GRIP1: variants seen among roughly 807,000 people sequenced by gnomAD.
GRIP1 encodes the protein glutamate receptor interacting protein 1, also known as glutamate receptor-interacting protein 1.
A neutral mutation model predicts 129.9 loss-of-function variants in GRIP1; 45 were observed. The observed-to-expected ratio is 0.35, with a 90% CI of 0.27 to 0.44. The LOEUF (loss-of-function observed/expected upper bound fraction) is 0.44, where lower values mean the gene tolerates loss of function less well. Among genes scored for constraint, GRIP1 ranks in the 20% least tolerant of loss-of-function variants. The probability of loss-of-function intolerance (pLI) is 1.00; values close to 1 mark genes in which losing one functional copy is unlikely to be tolerated. For synonymous variants in GRIP1, 530 were observed against 520.8 expected (o/e 1.02, Z -0.24); for missense variants, 1,196 against 1,396.8 (o/e 0.86, Z 2.29).
At chr12:66,416,289 T>C (rs2137784655) in intron 15 of GRIP1, among the ~76,000 whole-genome samples, 1 of 152,088 alleles carries the variant, frequency 6.6e-6, no homozygotes, top group Admixed American at 6.5e-5. Context: ...TAGCTATAAG[T>C]GCCTACATCA....
At chr12:67,043,938 G>C (rs2043216141) in intron 1 of GRIP1, among the ~76,000 whole-genome samples, 1 of 151,826 alleles carries the variant, frequency 6.6e-6, no homozygotes, top group Non-Finnish European at 1.5e-5. Flanking sequence ...GAAGCTATTT[G>C]GAGGAAATCC....
intron 1 of GRIP1, among the ~76,000 whole-genome samples, chr12:66,624,388 G>A (rs2065397350): frequency 6.6e-6 from 1 of 152,070 alleles, no homozygotes; most frequent in African/African-American, 2.4e-5. Flanking sequence ...TGCTATGATT[G>A]TGATTAATCC....
rs1294708769 is a variant in GRIP1, at chr12:66,465,326, T to C, written c.821A>G (p.Asn274Ser). Residue 274 changes from asparagine to serine, a missense_variant, in exon 8 of 25, where the codon AAC (asparagine) becomes AGC (serine). By Grantham distance (46) the Asn-to-Ser change is conservative. Coordinates refer to ENST00000359742, the MANE Select transcript of GRIP1 (RefSeq NM_001366722.1). ...TTTGTCTATGACAATGACTTGTTTG[T>C]TACAGCACATCGAGGTAGTTAGGGC... ...GVALTTSMCC[N>S]KQVIVIDKIK... The C allele has an allele frequency of 7.4e-6, 12 of 1,613,916 alleles. No homozygotes were observed. The highest frequency in any genetic ancestry group is 9.3e-6 in the Non-Finnish European group (11 of 1,179,766).
chr12:66,879,188 G>A (rs2040431896), intron 1 of GRIP1, among the ~76,000 whole-genome samples: 1 of 151,558 alleles, frequency 6.6e-6, no homozygotes, highest in Non-Finnish European at 1.5e-5. Flanking sequence ...TGTTATTTTT[G>A]TTCTTAAACT....
chr12:66,968,376 C>T (rs556340664), intron 1 of GRIP1, among the ~76,000 whole-genome samples: 4 of 139,310 alleles, frequency 2.9e-5, no homozygotes, highest in African/African-American at 1.0e-4. Flanking sequence ...GATTTGCCTA[C>T]GACTCTAGGT....
chr12:66,669,285 G>A (rs753032608), intron 1 of GRIP1, among the ~76,000 whole-genome samples: 27 of 152,112 alleles, frequency 1.8e-4, no homozygotes, highest in Non-Finnish European at 3.4e-4. Flanking sequence ...CTACTCGGGA[G>A]GCTGAGGCAA....
At chr12:66,987,193 G>C (rs1381659343) in intron 1 of GRIP1, among the ~76,000 whole-genome samples, 2 of 152,168 alleles carry the variant, frequency 1.3e-5, no homozygotes, top group Non-Finnish European at 2.9e-5. Flanking sequence ...ATAATTCATT[G>C]TCTCCTGCTA....
intron 7 of GRIP1, among the ~76,000 whole-genome samples, chr12:66,473,960 C>A (rs2059524292): frequency 6.6e-6 from 1 of 152,028 alleles, no homozygotes; most frequent in African/African-American, 2.4e-5. Context: ...AGCAAGGGAA[C>A]AAAACTGTAC....
intron 1 of GRIP1, among the ~76,000 whole-genome samples, chr12:66,759,713 C>G (rs1379326090): frequency 6.6e-6 from 1 of 152,148 alleles, no homozygotes; most frequent in Non-Finnish European, 1.5e-5. Flanking sequence ...CAAAGTTCCA[C>G]AAATCTCTAG....
chr12:66,451,068 G>C (rs11176190), intron 11 of GRIP1, among the ~76,000 whole-genome samples: 1 of 152,142 alleles, frequency 6.6e-6, no homozygotes, highest in Non-Finnish European at 1.5e-5. Flanking sequence ...AGATGGAAAT[G>C]ACTAAATTGC....
intron 1 of GRIP1, among the ~76,000 whole-genome samples, chr12:66,906,870 T>C (rs926519470): frequency 1.3e-5 from 2 of 152,178 alleles, no homozygotes; most frequent in African/African-American, 2.4e-5. Flanking sequence ...GAGAAAAAAA[T>C]TGAAAATTGT....
chr12:66,696,614 C>T (rs140070743), intron 1 of GRIP1, among the ~76,000 whole-genome samples: 1 of 151,378 alleles, frequency 6.6e-6, no homozygotes, highest in African/African-American at 2.4e-5. Context: ...GACCCCGTCT[C>T]TACTAAAAAA....
chr12:66,653,493 T>C (rs185020561), intron 1 of GRIP1, among the ~76,000 whole-genome samples: 1 of 152,310 alleles, frequency 6.6e-6, no homozygotes, highest in Admixed American at 6.5e-5. Flanking sequence ...CACTTCCTAA[T>C]CTCATGTAGT....
chr12:66,740,217 G>A lies in GRIP1; in HGVS notation c.-420+63836C>T, dbSNP rs187654507. ...GAATATACATCTTGCAAAAATCACCGATTTTTCATTCTGTCTGGCCTTCCT... is the reference window on the plus strand; with the variant it reads ...GAATATACATCTTGCAAAAATCACCAATTTTTCATTCTGTCTGGCCTTCCT... On this transcript the variant is annotated intron_variant, in intron 1 of 4. Coordinates refer to the GRIP1 transcript ENST00000538373. Among the ~76,000 whole-genome samples, 776 of 152,206 alleles carry A rather than the reference G, an allele frequency of 5.1e-3. 4 individuals are homozygous for A. Among genetic ancestry groups the A allele is most frequent in the Middle Eastern group, 0.027 (8 of 294 alleles).
Position 66,974,853 on chromosome 12 carries a change from G to A in GRIP1, c.58+94197C>T, listed in dbSNP as rs1204920228. On this transcript the variant is annotated intron_variant, in intron 1 of 1. Transcript: ENST00000643019. ...TAAAGCTTCTTCCAAGACGTAAAAG[G>A]GATCCTCGAAATGTGTTCAATGGCT... Among the ~76,000 whole-genome samples the A allele has an allele frequency of 2.0e-5, 3 of 152,062 alleles. No individual in the cohort carries two copies. In the East Asian group the frequency reaches 5.8e-4, roughly 29 times the overall value.
Position 66,410,026 on chromosome 12 carries a change from G to A in GRIP1, c.1839-3598C>T, listed in dbSNP as rs541127909. On this transcript the variant is annotated intron_variant, in intron 15 of 24. Transcript: ENST00000359742. ...AGCACTTTGGGAGGCCGAGGCGGGC[G>A]GATCACGAGGTCAGGAGATCGAGAC... is the stretch of plus-strand genomic sequence containing the variant. Among the ~76,000 whole-genome samples the A allele has an allele frequency of 3.3e-3, 481 of 145,536 alleles. 4 individuals carry two copies. The highest frequency in any genetic ancestry group is 5.8e-3 in the Non-Finnish European group (383 of 65,674).
chr12:66,749,572 T>C (rs914276474), intron 1 of GRIP1, among the ~76,000 whole-genome samples: 6 of 152,240 alleles, frequency 3.9e-5, no homozygotes, highest in African/African-American at 1.4e-4. Context: ...TCCTTTTTTC[T>C]AACCGGTATG....
At chr12:66,738,089 A>G (rs2036665480) in intron 1 of GRIP1, among the ~76,000 whole-genome samples, 2 of 152,182 alleles carry the variant, frequency 1.3e-5, no homozygotes, top group South Asian at 2.1e-4. Flanking sequence ...AGAGAAGCAC[A>G]GGTGTTGAAG....
chr12:66,701,854 C>G (rs2035364231), intron 1 of GRIP1, among the ~76,000 whole-genome samples: 1 of 152,194 alleles, frequency 6.6e-6, no homozygotes, highest in African/African-American at 2.4e-5. Context: ...CCCATTCAAA[C>G]AGCCTTTACA....
Sources: allele counts gnomAD v4.1 joint callset (sites outside exome capture counted in the v4.1 genomes callset), GRCh38; gene constraint gnomAD v4.1.1; transcripts MANE v1.5; gene names NCBI Gene and HGNC (gene_info 2026-07-23, HGNC 2026-07-21).